Variants in C12orf42 observed in about 807,000 individuals in gnomAD.
The protein encoded by C12orf42 is uncharacterized protein C12orf42.
In C12orf42, 25 loss-of-function variants were observed where a neutral mutation model predicts 21.6. The observed-to-expected ratio is 1.16, with a 90% CI of 0.84 to 1.62. The LOEUF (loss-of-function observed/expected upper bound fraction) is 1.62. C12orf42 is among the 40% of genes most tolerant of loss of function. The probability of loss-of-function intolerance (pLI) is 0.00; values close to 1 mark genes in which losing one functional copy is unlikely to be tolerated. For missense variants in C12orf42, 483 were observed against 459.3 expected (o/e 1.05, Z -0.47); for synonymous variants, 174 against 175.0 (o/e 0.99, Z 0.05).
At chr12:103,545,338 A>G in the C12orf42 span, among the ~76,000 whole-genome samples, 1 of 152,320 alleles carries the variant, frequency 6.6e-6, no homozygotes, top group Admixed American at 6.5e-5. Context: ...CAAGTTGCAA[A>G]TAAATGTATA....
chr12:103,290,288 A>T (rs1354061865), intron 4 of C12orf42, among the ~76,000 whole-genome samples: 1 of 152,174 alleles, frequency 6.6e-6, no homozygotes, highest in Non-Finnish European at 1.5e-5. Flanking sequence ...ACTCAGGAAC[A>T]ACAGCTTACT....
chr12:103,284,858 T>C (rs899852502), intron 4 of C12orf42, among the ~76,000 whole-genome samples: 2 of 152,140 alleles, frequency 1.3e-5, no homozygotes, highest in Non-Finnish European at 2.9e-5. Flanking sequence ...ATAAGCTGGA[T>C]TACACTCATT....
At chr12:103,383,449 A>G (rs1239855231) in intron 3 of C12orf42, among the ~76,000 whole-genome samples, 3 of 152,148 alleles carry the variant, frequency 2.0e-5, no homozygotes, top group Non-Finnish European at 4.4e-5. Context: ...TTAAGAATGC[A>G]TTGAAACAAT....
intron 4 of C12orf42, among the ~76,000 whole-genome samples, chr12:103,336,717 C>T (rs2041732193): frequency 6.6e-6 from 1 of 152,126 alleles, no homozygotes; most frequent in African/African-American, 2.4e-5. Context: ...TAGGGATTGA[C>T]CGTCTTAATT....
the C12orf42 span, among the ~76,000 whole-genome samples, chr12:103,549,219 A>G: frequency 3.7e-4 from 56 of 152,114 alleles, no homozygotes; most frequent in South Asian, 0.012. Flanking sequence ...CATCTTTTAC[A>G]GTACTTATTA....
At chr12:103,113,132 A>C in the C12orf42 span, among the ~76,000 whole-genome samples, 1 of 151,692 alleles carries the variant, frequency 6.6e-6, no homozygotes, top group Non-Finnish European at 1.5e-5. Context: ...AAACTTGTGG[A>C]GATGGTGAAA....
intron 2 of C12orf42, among the ~76,000 whole-genome samples, chr12:103,471,450 A>G (rs1953597967): frequency 6.6e-6 from 1 of 152,234 alleles, no homozygotes. Flanking sequence ...AACAGAGGTC[A>G]ATTTCATTTA....
intron 3 of C12orf42, among the ~76,000 whole-genome samples, chr12:103,393,488 T>C (rs1244474698): frequency 6.6e-6 from 1 of 152,180 alleles, no homozygotes; most frequent in African/African-American, 2.4e-5. Context: ...ACATGAGATT[T>C]GGAGGAGACA....
intron 2 of C12orf42, among the ~76,000 whole-genome samples, chr12:103,444,097 T>C (rs1302039308): frequency 6.6e-6 from 1 of 152,094 alleles, no homozygotes; most frequent in Non-Finnish European, 1.5e-5. Flanking sequence ...GTTTTATGGA[T>C]CAACTTTGCT....
chr12:103,104,458 T>G, the C12orf42 span, among the ~76,000 whole-genome samples: 2 of 152,164 alleles, frequency 1.3e-5, no homozygotes, highest in Non-Finnish European at 1.5e-5. Flanking sequence ...TGTTTGTTTT[T>G]TGAGATGGAG....
chr12:103,479,774 T>G lies in C12orf42; in HGVS notation c.-21-1327A>C, dbSNP rs576846777. 7.9e-5 allele frequency among the ~76,000 whole-genome samples: 12 copies of G among 152,160 alleles called. No homozygotes were observed. The East Asian group carries it at 2.3e-3, about 29-fold the overall frequency. On this transcript the variant is annotated intron_variant, in intron 1 of 5. Coordinates refer to ENST00000548883, the MANE Select transcript of C12orf42 (RefSeq NM_198521.5). ...TTCCAATATTAAATGAACCAGGCAT[T>G]CATGAGATAAAAAACAACGCAGTCA... is the stretch of plus-strand genomic sequence containing the variant.
At chr12:103,366,607 C>A (rs1041116854) in intron 4 of C12orf42, among the ~76,000 whole-genome samples, 21 of 151,940 alleles carry the variant, frequency 1.4e-4, no homozygotes, top group African/African-American at 4.8e-4. Flanking sequence ...CAAACTCAAA[C>A]AAATTAGCAA....
intron 4 of C12orf42, among the ~76,000 whole-genome samples, chr12:103,363,982 T>C (rs1477072092): frequency 1.3e-5 from 2 of 152,084 alleles, no homozygotes; most frequent in African/African-American, 4.8e-5. Context: ...AACTATACCC[T>C]AGAACAAATG....
At chr12:103,344,037 G>C (rs1172110170) in intron 4 of C12orf42, among the ~76,000 whole-genome samples, 1 of 152,074 alleles carries the variant, frequency 6.6e-6, no homozygotes, top group Non-Finnish European at 1.5e-5. Context: ...TTCCAATCCA[G>C]ACAAGAAGCA....
chr12:103,553,862 C>T, the C12orf42 span, among the ~76,000 whole-genome samples: 1 of 152,170 alleles, frequency 6.6e-6, no homozygotes, highest in South Asian at 2.1e-4. Flanking sequence ...TGGAAAGGGA[C>T]AGACCCAGGA....
At chr12:103,541,256 C>T in the C12orf42 span, among the ~76,000 whole-genome samples, 2 of 152,190 alleles carry the variant, frequency 1.3e-5, no homozygotes, top group African/African-American at 4.8e-5. Flanking sequence ...GTTACAATCA[C>T]TATTTCTATT....
the C12orf42 span, among the ~76,000 whole-genome samples, chr12:103,145,688 A>G: frequency 1.3e-5 from 2 of 152,238 alleles, no homozygotes; most frequent in South Asian, 4.1e-4. Flanking sequence ...TTATTACAAC[A>G]TTGTATATAA....
At chr12:103,190,713 A>C in the C12orf42 span, among the ~76,000 whole-genome samples, 1 of 152,232 alleles carries the variant, frequency 6.6e-6, no homozygotes, top group Non-Finnish European at 1.5e-5. Flanking sequence ...TCAGAGGAAC[A>C]AAAAGAGAAA....
upstream of C12orf42, among the ~76,000 whole-genome samples, chr12:103,496,367 G>A (rs972727951): frequency 3.9e-4 from 59 of 152,258 alleles, no homozygotes; most frequent in African/African-American, 1.4e-3. Flanking sequence ...CCAACAGCAG[G>A]GGGCAGAGCA....
Sources: gnomAD v4.1 joint callset for allele counts (sites outside exome capture counted in the v4.1 genomes callset) on GRCh38, gnomAD v4.1.1 for gene constraint, MANE v1.5 for transcripts, NCBI Gene and HGNC (gene_info 2026-07-23, HGNC 2026-07-21) for gene names.